ALCAM: variants seen among roughly 807,000 people sequenced by gnomAD.
ALCAM encodes CD166 antigen.
ALCAM carries 30 observed loss-of-function variants against 70.9 expected under a neutral mutation model. The ratio of observed to expected loss-of-function variants is 0.42; its 90% confidence interval spans 0.32 to 0.57. The LOEUF is 0.57. ALCAM is among the 20% of genes least tolerant of loss of function. The pLI, the probability that ALCAM is intolerant of heterozygous loss-of-function variation, is 0.11. For missense variants in ALCAM, 591 were observed against 695.1 expected (o/e 0.85, Z 1.68); for synonymous variants, 249 against 242.5 (o/e 1.03, Z -0.25).
chr3:105,532,698 G>A (rs772086401), intron 4 of ALCAM, among the ~76,000 whole-genome samples: 9 of 152,154 alleles, frequency 5.9e-5, no homozygotes, highest in Admixed American at 2.0e-4. Flanking sequence ...GAAATAATAG[G>A]ATGTGAAAGA....
At chr3:105,517,257 T>C (rs989414634) in intron 1 of ALCAM, among the ~76,000 whole-genome samples, 13 of 152,106 alleles carry the variant, frequency 8.5e-5, no homozygotes, top group Non-Finnish European at 1.5e-4. Flanking sequence ...TTGATTATTA[T>C]AGCAAACTTG....
At chr3:105,422,955 C>G (rs1936705109) in intron 1 of ALCAM, among the ~76,000 whole-genome samples, 1 of 151,416 alleles carries the variant, frequency 6.6e-6, no homozygotes, top group Non-Finnish European at 1.5e-5. Flanking sequence ...CAGTAGCTAT[C>G]CCATTTTACA....
chr3:105,427,889 GTT>G (rs984998306), intron 1 of ALCAM, among the ~76,000 whole-genome samples: 4 of 151,778 alleles, frequency 2.6e-5, no homozygotes, highest in African/African-American at 9.7e-5. Flanking sequence ...CACAGAGAAA[GTT>G]TCCAGAAAAA....
At chr3:105,368,000 C>G (rs1935113473) in intron 1 of ALCAM, among the ~76,000 whole-genome samples, 1 of 151,924 alleles carries the variant, frequency 6.6e-6, no homozygotes, top group South Asian at 2.1e-4. Context: ...CCCCCGCCCC[C>G]CTTGCGAAAC....
chr3:105,458,816 T>C lies in ALCAM; in HGVS notation c.74-61251T>C, dbSNP rs111468572. Among the ~76,000 whole-genome samples the C allele has an allele frequency of 3.6e-3, 542 of 152,298 alleles. 4 individuals are homozygous for C. The highest frequency in any genetic ancestry group is 0.012 in the African/African-American group (517 of 41,562). ...GCTCTGCTCCTGTTTTTTAGCTGTC[T>C]CTTTATTTGGGGGCTTATGTCATCT... is the stretch of plus-strand genomic sequence containing the variant. On this transcript the variant is annotated intron_variant, in intron 1 of 15. Transcript: ENST00000306107.
chr3:105,490,750 G>C (rs1324803452), intron 1 of ALCAM, among the ~76,000 whole-genome samples: 3 of 152,168 alleles, frequency 2.0e-5, no homozygotes, highest in Non-Finnish European at 2.9e-5. Context: ...CCAAAAGGTA[G>C]GTTCCCATAA....
intron 3 of ALCAM, among the ~76,000 whole-genome samples, chr3:105,527,303 G>A (rs1235320013): frequency 6.6e-6 from 1 of 152,124 alleles, no homozygotes; most frequent in Non-Finnish European, 1.5e-5. Flanking sequence ...GAGCCAGAAG[G>A]CTGTTGGTGA....
chr3:105,487,821 G>A (rs559297441), intron 1 of ALCAM, among the ~76,000 whole-genome samples: 2 of 152,138 alleles, frequency 1.3e-5, no homozygotes, highest in South Asian at 2.1e-4. Context: ...ACTAGAGAAA[G>A]GCTAGGTTGC....
At chr3:105,554,386 G>A (rs1440945088) in intron 14 of ALCAM, among the ~76,000 whole-genome samples, 1 of 151,636 alleles carries the variant, frequency 6.6e-6, no homozygotes, top group Non-Finnish European at 1.5e-5. Flanking sequence ...AGCCTTTTTT[G>A]TTCCATTCAT....
intron 1 of ALCAM, among the ~76,000 whole-genome samples, chr3:105,381,646 T>C (rs1053889633): frequency 3.3e-5 from 5 of 151,870 alleles, no homozygotes; most frequent in African/African-American, 1.2e-4. Context: ...AAGCAATTGT[T>C]TTAGGTCATT....
intron 1 of ALCAM, among the ~76,000 whole-genome samples, chr3:105,488,019 A>G (rs1453800338): frequency 1.3e-5 from 2 of 152,136 alleles, no homozygotes; most frequent in Non-Finnish European, 2.9e-5. Context: ...TTTTTCATCA[A>G]TAGATTAATA....
intron 3 of ALCAM, among the ~76,000 whole-genome samples, chr3:105,529,866 T>C (rs1939795952): frequency 6.6e-6 from 1 of 152,098 alleles, no homozygotes; most frequent in Non-Finnish European, 1.5e-5. Flanking sequence ...CATTTTCTAT[T>C]AGAGAAAGAG....
chr3:105,401,294 T>C (rs1936083125), intron 1 of ALCAM, among the ~76,000 whole-genome samples: 1 of 152,226 alleles, frequency 6.6e-6, no homozygotes, highest in Admixed American at 6.5e-5. Flanking sequence ...GTCTAGTATT[T>C]GAAAGATCAC....
chr3:105,423,613 T>C (rs1281504578), intron 1 of ALCAM, among the ~76,000 whole-genome samples: 1 of 151,546 alleles, frequency 6.6e-6, no homozygotes, highest in Non-Finnish European at 1.5e-5. Flanking sequence ...CCAAGATTTC[T>C]TTTAGATGAG....
At chr3:105,565,281 T>C (rs1940718348) in intron 14 of ALCAM, among the ~76,000 whole-genome samples, 1 of 152,216 alleles carries the variant, frequency 6.6e-6, no homozygotes, top group Non-Finnish European at 1.5e-5. Context: ...TATATTAGAC[T>C]GCTTGAAATT....
chr3:105,574,006 G>A (rs1940911680), intron 15 of ALCAM, among the ~76,000 whole-genome samples: 1 of 152,134 alleles, frequency 6.6e-6, no homozygotes, highest in Non-Finnish European at 1.5e-5. Flanking sequence ...TTCATTGGAG[G>A]TCAAGTATGC....
intron 1 of ALCAM, among the ~76,000 whole-genome samples, chr3:105,421,894 G>A (rs951901646): frequency 1.3e-5 from 2 of 150,588 alleles, no homozygotes; most frequent in African/African-American, 4.9e-5. Flanking sequence ...TTTTTACATG[G>A]GTGAGTTACA....
At chr3:105,516,398 A>G (rs2152621545) in intron 1 of ALCAM, among the ~76,000 whole-genome samples, 1 of 152,162 alleles carries the variant, frequency 6.6e-6, no homozygotes, top group South Asian at 2.1e-4. Flanking sequence ...CATTTTCTAT[A>G]CAAAACATAT....
At chr3:105,562,743 A>T (rs568690080) in intron 14 of ALCAM, among the ~76,000 whole-genome samples, 1 of 152,176 alleles carries the variant, frequency 6.6e-6, no homozygotes, top group Non-Finnish European at 1.5e-5. Context: ...AACTAACTGG[A>T]CCTTGAGTTT....
Sources: gnomAD v4.1 joint callset for allele counts (sites outside exome capture counted in the v4.1 genomes callset) on GRCh38, gnomAD v4.1.1 for gene constraint, MANE v1.5 for transcripts, NCBI Gene and HGNC (gene_info 2026-07-23, HGNC 2026-07-21) for gene names.